MET: variants seen among roughly 807,000 people sequenced by gnomAD.
MET encodes the protein hepatocyte growth factor receptor.
In MET, 48 loss-of-function variants were observed where a neutral mutation model predicts 133.1. The ratio of observed to expected loss-of-function variants is 0.36; its 90% CI spans 0.29 to 0.46. MET has a LOEUF of 0.46. Ranked by LOEUF, MET falls within the 20% of genes least tolerant of loss-of-function variation. MET has a pLI of 1.00. For missense variants in MET, 1,442 were observed against 1,695.9 expected (o/e 0.85, Z 2.63); for synonymous variants, 628 against 616.5 (o/e 1.02, Z -0.28).
At chr7:116,758,885 G>A (rs1794289050) in intron 9 of MET, among the ~76,000 whole-genome samples, 2 of 152,160 alleles carry the variant, frequency 1.3e-5, no homozygotes, top group Non-Finnish European at 2.9e-5. Flanking sequence ...ATGTGGCATT[G>A]TAGTATACAT....
chr7:116,782,482 G>A (rs1795186909), intron 18 of MET, among the ~76,000 whole-genome samples: 2 of 152,226 alleles, frequency 1.3e-5, no homozygotes, highest in South Asian at 4.1e-4. Context: ...AACTTCCCAA[G>A]AGTGGATTTG....
Position 116,700,190 on chromosome 7 carries a change from A to G in MET, c.1106A>G (p.Tyr369Cys), listed in dbSNP as rs370314484. ...RSAMCAFPIK[Y>C]VNDFFNKIVN... ...GCCATGTGTGCATTCCCTATCAAAT[A>G]TGTCAACGACTTCTTCAACAAGATC... Residue 369 changes from tyrosine to cysteine, a missense_variant, in exon 2 of 21, where the codon TAT (tyrosine) becomes TGT (cysteine). Transcript: ENST00000397752. The G allele has an allele frequency of 3.8e-6, 6 of 1,592,592 alleles. No homozygotes were observed. The highest frequency in any genetic ancestry group is 5.1e-6 in the Non-Finnish European group (6 of 1,171,984).
At chr7:116,732,209 T>G (rs1336627749) in intron 3 of MET, among the ~76,000 whole-genome samples, 1 of 152,122 alleles carries the variant, frequency 6.6e-6, no homozygotes, top group African/African-American at 2.4e-5. Flanking sequence ...AAGCTACAGA[T>G]CAAAGGAGAG....
At position 116,699,275 on chromosome 7, in the gene MET, T is replaced by C. The variant is rs1791466202; in HGVS notation, c.191T>C (p.Leu64Pro). 2.5e-6 allele frequency: 4 copies of C among 1,614,032 alleles called. No homozygotes were observed. Among genetic ancestry groups the C allele is most frequent in the Non-Finnish European group, 3.4e-6 (4 of 1,179,954 alleles). Residue 64 changes from leucine to proline, a missense_variant, in exon 2 of 21, where the codon CTT (leucine) becomes CCT (proline). Transcript: ENST00000397752. The stretch of plus-strand genomic sequence containing the variant: ...ATTCTACATGAGCATCACATTTTCC[T>C]TGGTGCCACTAACTACATTTATGTT... ...NVILHEHHIF[L>P]GATNYIYVLN...
At chr7:116,735,048 C>T (rs1039223728) in intron 3 of MET, among the ~76,000 whole-genome samples, 13 of 152,016 alleles carry the variant, frequency 8.6e-5, no homozygotes, top group African/African-American at 2.9e-4. Context: ...ATCAGGGATG[C>T]GAGAGGGGGT....
rs1298526779 is a variant in MET at position 116,697,768 on chromosome 7, A to G, written c.-14-1303A>G. On this transcript the variant is annotated intron_variant, in intron 1 of 20. Transcript: ENST00000397752. ...ACTTGTCTCTATTGCTCATGATCAT[A>G]ATAATCCTAAGTACAGGCTGTGCTT... 2.0e-5 allele frequency among the ~76,000 whole-genome samples: 3 copies of G among 152,166 alleles called. No homozygotes were observed. In the East Asian group the frequency reaches 5.8e-4, roughly 29 times the overall value.
intron 17 of MET, among the ~76,000 whole-genome samples, chr7:116,780,167 T>C (rs939091174): frequency 3.3e-5 from 5 of 152,192 alleles, no homozygotes; most frequent in African/African-American, 9.7e-5. Flanking sequence ...GATTTTTTTC[T>C]TGACATTTAT....
At chr7:116,716,489 G>GAAAGAA (rs1391113855) in intron 2 of MET, among the ~76,000 whole-genome samples, 1 of 142,042 alleles carries the variant, frequency 7.0e-6, no homozygotes, top group East Asian at 2.0e-4. Flanking sequence ...AAGAAAGAAA[G>GAAAGAA]AAAGAAAGAA....
chr7:116,756,866 T>C (rs545686303), intron 6 of MET, among the ~76,000 whole-genome samples: 8 of 152,182 alleles, frequency 5.3e-5, no homozygotes, highest in Non-Finnish European at 8.8e-5. Flanking sequence ...ATTCAACTGG[T>C]GAGGTCTTTA....
At chr7:116,790,291 G>A (rs1436747215) in intron 19 of MET, among the ~76,000 whole-genome samples, 1 of 152,060 alleles carries the variant, frequency 6.6e-6, no homozygotes, top group African/African-American at 2.4e-5. Context: ...CCCAGGCCCT[G>A]GCAACCACAA....
rs536901330 is a variant in MET, at chr7:116,712,349, T to C, written c.1200+12065T>C. On this transcript the variant is annotated intron_variant, in intron 2 of 20. Transcript: ENST00000397752. ...AGTAGCACTCTGCTTATTTCTACCA[T>C]GTCTCTTATCACACTCCGTGGTAAT... Among the ~76,000 whole-genome samples, 20 of 152,342 alleles carry C rather than the reference T, an allele frequency of 1.3e-4. No individual in the cohort carries two copies. In the South Asian group the frequency reaches 2.9e-3, roughly 22 times the overall value.
At chr7:116,749,610 G>A (rs1216214375) in intron 5 of MET, among the ~76,000 whole-genome samples, 1 of 152,126 alleles carries the variant, frequency 6.6e-6, no homozygotes, top group African/African-American at 2.4e-5. Flanking sequence ...TCTGGCCAGG[G>A]CAATCAGGCA....
At chr7:116,716,284 G>GGGGAGAGAGA (rs1411256225) in intron 2 of MET, among the ~76,000 whole-genome samples, 2 of 38,056 alleles carry the variant, frequency 5.3e-5, no homozygotes, top group East Asian at 1.9e-3. Context: ...AGGGAGAGAG[G>GGGGAGAGAGA]GAGAGAGAGA....
At chr7:116,742,075 C>CT in intron 5 of MET, among the ~76,000 whole-genome samples, 1 of 152,302 alleles carries the variant, frequency 6.6e-6, no homozygotes, top group Non-Finnish European at 1.5e-5. Context: ...AAAAGTTGGA[C>CT]TTTAGTAAAT....
Position 116,786,293 on chromosome 7 carries a change from T to C in MET, c.3798+2824T>C, listed in dbSNP as rs569954666. On this transcript the variant is annotated intron_variant, in intron 19 of 20. Coordinates refer to ENST00000397752, the MANE Select transcript of MET (RefSeq NM_000245.4). Reference sequence around the variant, plus strand: ...GAATTACCTCTAAATGGCCCCATCATTAAACATTGTCACAGTGGGGCTTAG... The same window carrying C: ...GAATTACCTCTAAATGGCCCCATCACTAAACATTGTCACAGTGGGGCTTAG... Among the ~76,000 whole-genome samples, 9 of 152,356 alleles carry C rather than the reference T, an allele frequency of 5.9e-5. No individual in the cohort carries two copies. In the South Asian group the frequency reaches 1.9e-3, roughly 32 times the overall value.
intron 1 of MET, among the ~76,000 whole-genome samples, chr7:116,681,201 G>A (rs1285517144): frequency 6.6e-6 from 1 of 152,090 alleles, no homozygotes; most frequent in Non-Finnish European, 1.5e-5. Context: ...CAGAAGCAGA[G>A]AAAGCTTTTA....
rs914251471 is a variant in MET, at chr7:116,740,229, G to T, written c.1527+145G>T. 4.4e-6 allele frequency: 4 copies of T among 913,412 alleles called. No homozygotes were observed. In the African/African-American group the frequency reaches 5.0e-5, roughly 11 times the overall value. 56.6% of individuals were successfully genotyped at this position (913,412 alleles called of 1,614,324 possible). A position where few individuals can be genotyped will look rare whatever the true frequency, so the allele number is the denominator to read the frequency against. ...TAAGTTCTTTAGTGAGTATTCCAGAGATCTTCTGAAATCTAGTTAATTTGT... is the reference window on the plus strand; with the variant it reads ...TAAGTTCTTTAGTGAGTATTCCAGATATCTTCTGAAATCTAGTTAATTTGT... On this transcript the variant is annotated intron_variant, in intron 4 of 20. Transcript: ENST00000397752.
intron 4 of MET, 69 bp from the exon 5 acceptor site, chr7:116,740,783 A>G (rs1400528124): frequency 2.3e-5 from 36 of 1,569,420 alleles, no homozygotes; most frequent in Non-Finnish European, 3.1e-5. Context: ...CCTTTTGTGT[A>G]CTTACTTTAT....
rs536249652 is a variant in MET at position 116,715,318 on chromosome 7, G to A, written c.1200+15034G>A. Among the ~76,000 whole-genome samples, 13 of 152,344 alleles carry A rather than the reference G, an allele frequency of 8.5e-5. No homozygotes were observed. The East Asian group carries it at 2.5e-3, about 29-fold the overall frequency. ...ATGCTCCCTCTGGAGGCTCTAGGGA[G>A]GACTCCTTCCTTGCCTCTTGCAATT... On this transcript the variant is annotated intron_variant, in intron 2 of 20. Coordinates refer to ENST00000397752, the MANE Select transcript of MET (RefSeq NM_000245.4).
Sources: gnomAD v4.1 joint callset for allele counts (sites outside exome capture counted in the v4.1 genomes callset) on GRCh38, gnomAD v4.1.1 for gene constraint, MANE v1.5 for transcripts, NCBI Gene and HGNC (gene_info 2026-07-23, HGNC 2026-07-21) for gene names.